The following NRP1 variants were observed in gnomAD, a reference collection of about 807,000 sequenced individuals.
NRP1 encodes neuropilin 1.
Under a neutral mutation model 106.7 loss-of-function variants are expected in NRP1, and 35 were observed. The observed-to-expected ratio is 0.33, with a 90% CI of 0.25 to 0.43. The LOEUF (loss-of-function observed/expected upper bound fraction) is 0.43, where lower values mean the gene tolerates loss of function less well. NRP1 is among the 20% of genes least tolerant of loss of function. NRP1 has a pLI of 1.00. For synonymous variants in NRP1, 437 were observed against 417.9 expected (o/e 1.05, Z -0.56); for missense variants, 1,024 against 1,170.4 (o/e 0.87, Z 1.83).
chr10:33,215,887 C>G (rs763508326), intron 8 of NRP1, among the ~76,000 whole-genome samples: 1 of 152,178 alleles, frequency 6.6e-6, no homozygotes, highest in Non-Finnish European at 1.5e-5. Flanking sequence ...TCCCCATTCA[C>G]TCCTTTAACC....
intron 8 of NRP1, among the ~76,000 whole-genome samples, chr10:33,216,969 A>G (rs1838831440): frequency 6.6e-6 from 1 of 152,238 alleles, no homozygotes; most frequent in Non-Finnish European, 1.5e-5. Context: ...TAACTTAACC[A>G]CAGTATTTGC....
intron 12 of NRP1, chr10:33,195,641 G>T: frequency 1.9e-6 from 1 of 523,588 alleles, no homozygotes; most frequent in Non-Finnish European, 3.9e-6. Flanking sequence ...TTCAGAGTTA[G>T]ACCTGACCCC....
chr10:33,280,540 T>A (rs1376070344), intron 2 of NRP1, among the ~76,000 whole-genome samples: 1 of 152,120 alleles, frequency 6.6e-6, no homozygotes, highest in East Asian at 1.9e-4. Flanking sequence ...GAAAAAAAAA[T>A]ACAATTACTT....
intron 6 of NRP1, among the ~76,000 whole-genome samples, chr10:33,239,326 C>T (rs1257386791): frequency 1.3e-5 from 2 of 152,034 alleles, no homozygotes; most frequent in African/African-American, 4.8e-5. Flanking sequence ...TTCAGATTCA[C>T]CTATTTTCAC....
chr10:33,213,656 T>C lies in NRP1; in HGVS notation c.1344A>G (p.Thr448=), dbSNP rs1838513211. 2 of 1,613,980 alleles carry C rather than the reference T, an allele frequency of 1.2e-6. No homozygotes were observed. The highest frequency in any genetic ancestry group is 2.2e-5 in the East Asian group (1 of 44,882). Residue 448 remains threonine, a synonymous_variant, in exon 9 of 17, where the codon ACA becomes ACG. Coordinates refer to ENST00000374867, the MANE Select transcript of NRP1 (RefSeq NM_003873.7). Reference sequence around the variant, plus strand: ...AGTTTCTGTCCCCTTGGTTGGATGATGTGATCTGGGAGTCAGAAATAAGTC... The same window carrying C: ...AGTTTCTGTCCCCTTGGTTGGATGACGTGATCTGGGAGTCAGAAATAAGTC... The part of the protein sequence containing the change: ...VSGLISDSQI[T]SSNQGDRNWM...
chr10:33,199,146 C>T (rs1472658530), intron 11 of NRP1, among the ~76,000 whole-genome samples: 5 of 151,852 alleles, frequency 3.3e-5, no homozygotes, highest in African/African-American at 9.7e-5. Flanking sequence ...GTCTCCCATC[C>T]ACCTGTCCTC....
chr10:33,210,438 A>G (rs1366937321), intron 9 of NRP1, among the ~76,000 whole-genome samples: 1 of 152,238 alleles, frequency 6.6e-6, no homozygotes, highest in Non-Finnish European at 1.5e-5. Context: ...TCATCTCTTC[A>G]TTTTAACTTG....
intron 15 of NRP1, among the ~76,000 whole-genome samples, chr10:33,183,066 C>T (rs943399668): frequency 1.3e-5 from 2 of 152,088 alleles, no homozygotes; most frequent in East Asian, 1.9e-4. Context: ...TATGCTGGCT[C>T]GTGCCTATAA....
Position 33,182,752 on chromosome 10 carries a change from A to G in NRP1, c.2432-4T>C, listed in dbSNP as rs375129382. The G allele has an allele frequency of 1.9e-6, 3 of 1,610,824 alleles. No individual in the cohort carries two copies. Among genetic ancestry groups the G allele is most frequent in the Non-Finnish European group, 2.5e-6 (3 of 1,177,740 alleles). The stretch of plus-strand genomic sequence containing the variant: ...TTTTTATCCAGGTCTGCTGGTTCTG[A>G]CAAGTCAAACAAAATTGAAAGAGAT... On this transcript the variant is annotated splice_polypyrimidine_tract_variant and splice_region_variant and intron_variant, in intron 15 of 16. Coordinates refer to ENST00000374867, the MANE Select transcript of NRP1 (RefSeq NM_003873.7).
At chr10:33,334,235 G>A in intron 1 of NRP1, 75 bp downstream of exon 1, 1 of 1,379,856 alleles carries the variant, frequency 7.2e-7, no homozygotes. Flanking sequence ...GGGAAGCCCC[G>A]CCTGAGCCCC....
intron 13 of NRP1, 119 bp downstream of exon 13, chr10:33,192,162 C>T (rs1187223932): frequency 3.5e-5 from 36 of 1,025,640 alleles, no homozygotes; most frequent in African/African-American, 6.5e-5. Flanking sequence ...CACATGTGAA[C>T]GCCTGTAGTA....
At chr10:33,260,334 G>A (rs1168783303) in intron 4 of NRP1, among the ~76,000 whole-genome samples, 1 of 151,950 alleles carries the variant, frequency 6.6e-6, no homozygotes, top group African/African-American at 2.4e-5. Context: ...AAAAAATCTG[G>A]CATTTTATAT....
chr10:33,226,369 C>A, intron 6 of NRP1, 80 bp from the exon 7 acceptor site: 1 of 1,513,208 alleles, frequency 6.6e-7, no homozygotes. Flanking sequence ...GTGGGCTCCA[C>A]GTTGTGGTTT....
intron 8 of NRP1, among the ~76,000 whole-genome samples, chr10:33,216,299 G>A (rs984978567): frequency 6.6e-6 from 1 of 151,538 alleles, no homozygotes; most frequent in Non-Finnish European, 1.5e-5. Flanking sequence ...CACCACGCCC[G>A]GCTTATTTTT....
At chr10:33,253,585 T>A (rs543289274) in intron 6 of NRP1, among the ~76,000 whole-genome samples, 1 of 152,296 alleles carries the variant, frequency 6.6e-6, no homozygotes, top group East Asian at 1.9e-4. Flanking sequence ...AGAAACCTAT[T>A]ATTGGAAACA....
intron 2 of NRP1, among the ~76,000 whole-genome samples, chr10:33,310,165 G>T (rs1266489666): frequency 6.6e-6 from 1 of 151,004 alleles, no homozygotes; most frequent in Admixed American, 6.6e-5. Flanking sequence ...TAACCAGGAT[G>T]GTCTTGATCT....
intron 12 of NRP1, among the ~76,000 whole-genome samples, chr10:33,193,452 G>A (rs1055688731): frequency 4.6e-5 from 7 of 152,164 alleles, no homozygotes; most frequent in South Asian, 2.1e-4. Flanking sequence ...TATAAAGAAC[G>A]AAGCCCGCAG....
At chr10:33,206,455 G>C (rs1276286121) in intron 10 of NRP1, 19 of 387,336 alleles carry the variant, frequency 4.9e-5, no homozygotes, top group Non-Finnish European at 9.3e-5. Flanking sequence ...ACATTGAAAA[G>C]TAGCTATGAA....
At chr10:33,204,301 T>C (rs1837587737) in intron 10 of NRP1, among the ~76,000 whole-genome samples, 1 of 151,970 alleles carries the variant, frequency 6.6e-6, no homozygotes, top group Admixed American at 6.6e-5. Context: ...CAGAGCCAAG[T>C]TTCAACTTCT....
Sources: allele counts gnomAD v4.1 joint callset (sites outside exome capture counted in the v4.1 genomes callset), GRCh38; gene constraint gnomAD v4.1.1; transcripts MANE v1.5; gene names NCBI Gene and HGNC (gene_info 2026-07-23, HGNC 2026-07-21).